ATP8A2: variants seen among roughly 807,000 people sequenced by gnomAD.
ATP8A2 encodes ATPase phospholipid transporting 8A2, also known as phospholipid-transporting ATPase IB.
ATP8A2 carries 100 observed loss-of-function variants against 165.6 expected under a neutral mutation model. The ratio of observed to expected loss-of-function variants is 0.60; its 90% confidence interval spans 0.51 to 0.71. ATP8A2 has a LOEUF of 0.71. Among genes scored for constraint, ATP8A2 ranks in the 30% least tolerant of loss-of-function variants. The pLI, the probability that ATP8A2 is intolerant of heterozygous loss-of-function variation, is 0.00. For synonymous variants in ATP8A2, 543 were observed against 548.8 expected, an observed-to-expected ratio of 0.99 and a Z score of 0.15; for missense variants, 1,227 against 1,479.5, an observed-to-expected ratio of 0.83 and a Z score of 2.80.
At position 25,574,812 on chromosome 13, in the gene ATP8A2, G is replaced by C; in HGVS notation, c.1667G>C (p.Gly556Ala). 1 of 1,561,288 alleles carries C rather than the reference G, an allele frequency of 6.4e-7. No homozygotes were observed. ...TPFSVIIEAM[G>A]QEQTFGILNV... ...AGCCTATTTTTCTTCCTTTAGATGG[G>C]ACAGGAACAAACATTCGGAATCCTT... Residue 556 changes from glycine (G) to alanine (A), a missense_variant, in exon 19 of 37, where the codon GGA becomes GCA. Coordinates refer to ENST00000381655, the MANE Select transcript of ATP8A2 (RefSeq NM_016529.6).
At chr13:25,972,817 G>A (rs1207694548) in intron 35 of ATP8A2, among the ~76,000 whole-genome samples, 3 of 152,062 alleles carry the variant, frequency 2.0e-5, no homozygotes, top group Non-Finnish European at 4.4e-5. Flanking sequence ...CACTTTTACA[G>A]ATACAATATA....
At chr13:25,881,606 A>G (rs969191782) in intron 33 of ATP8A2, among the ~76,000 whole-genome samples, 3 of 152,108 alleles carry the variant, frequency 2.0e-5, no homozygotes, top group African/African-American at 7.2e-5. Flanking sequence ...AGAGAGAGAG[A>G]GAGAGAAAGA....
At chr13:25,617,291 T>C (rs919243081) in intron 24 of ATP8A2, among the ~76,000 whole-genome samples, 1 of 152,262 alleles carries the variant, frequency 6.6e-6, no homozygotes, top group Admixed American at 6.5e-5. Context: ...TTTATCATTT[T>C]CTAAGAGATT....
At chr13:25,591,583 CTTTTTT>C (rs749798935) in intron 24 of ATP8A2, among the ~76,000 whole-genome samples, 2 of 131,838 alleles carry the variant, frequency 1.5e-5, no homozygotes, top group African/African-American at 2.9e-5. Context: ...TAGCTTATAA[CTTTTTT>C]TTTTTTTTTT....
At position 26,012,606 on chromosome 13, in the gene ATP8A2, G is replaced by T. The variant is rs1305817975; in HGVS notation, c.3453G>T (p.Leu1151=). Residue 1151 remains leucine (L), a synonymous_variant, in exon 36 of 37, where the codon CTG becomes CTT. Transcript: ENST00000381655. Reference sequence around the variant, plus strand: ...CGACGCTGTTCCGGGGCAGCTCCCTGCAGCAGGGCGTCCCGCGTGAGTACC... The same window carrying T: ...CGACGCTGTTCCGGGGCAGCTCCCTTCAGCAGGGCGTCCCGCGTGAGTACC... ...TPPTLFRGSS[L]QQGVPHGYAF... is the part of the protein sequence containing the mutation. 8 of 1,499,332 alleles carry T rather than the reference G, an allele frequency of 5.3e-6. No homozygotes were observed. Among genetic ancestry groups the T allele is most frequent in the Non-Finnish European group, 7.1e-6 (8 of 1,124,620 alleles). The allele number at this position is 1,499,332 out of a possible 1,614,324, so 92.9% of individuals were successfully genotyped here.
At position 25,397,636 on chromosome 13, in the gene ATP8A2, CTG is replaced by C. The variant is rs758616626; in HGVS notation, c.76+25350_76+25351del. Among the ~76,000 whole-genome samples, 46 of 152,238 alleles carry C rather than the reference CTG, an allele frequency of 3.0e-4. 1 individual carries two copies. The highest frequency in any genetic ancestry group is 5.7e-4 in the Non-Finnish European group (39 of 68,024). ...CTTTGTTGAGGAAAAAAGCCAGACT[CTG>C]TAAAATATTTGAAAAGGTTTATTCT... On this transcript the variant is annotated intron_variant, in intron 1 of 36. Transcript: ENST00000381655.
At chr13:25,825,575 TAGG>T (rs1418830300) in intron 27 of ATP8A2, among the ~76,000 whole-genome samples, 2 of 152,264 alleles carry the variant, frequency 1.3e-5, no homozygotes, top group Non-Finnish European at 2.9e-5. Context: ...ATTGTTTGAA[TAGG>T]AGAACTCAGA....
rs1375848943 is a variant in ATP8A2, at chr13:26,019,989, A to G, written c.*4A>G. On this transcript the variant is annotated 3_prime_UTR_variant, in exon 37 of 37. Transcript: ENST00000381655. ...AAAGAAATCCAGGAAGAAATAAGACATGAATTTTCCTGACTGATCTTAGGA... is the reference window on the plus strand; with the variant it reads ...AAAGAAATCCAGGAAGAAATAAGACGTGAATTTTCCTGACTGATCTTAGGA... 14 of 1,599,966 alleles carry G rather than the reference A, an allele frequency of 8.8e-6. No homozygotes were observed. The highest frequency in any genetic ancestry group is 1.3e-5 in the African/African-American group (1 of 74,700).
intron 35 of ATP8A2, among the ~76,000 whole-genome samples, chr13:26,007,534 T>TTG (rs1566347527): frequency 6.6e-6 from 1 of 152,254 alleles, no homozygotes; most frequent in East Asian, 1.9e-4. Context: ...TTTCCAGTAG[T>TTG]TGGTTCAGTG....
chr13:25,584,844 C>T (rs560594552), intron 23 of ATP8A2, among the ~76,000 whole-genome samples: 3 of 151,990 alleles, frequency 2.0e-5, no homozygotes, highest in Non-Finnish European at 2.9e-5. Context: ...ATGGGGATGT[C>T]GTATAGTTGT....
At chr13:25,699,411 G>C in intron 25 of ATP8A2, 66 bp downstream of exon 25, 1 of 1,208,540 alleles carries the variant, frequency 8.3e-7, no homozygotes, top group Admixed American at 3.0e-5. Flanking sequence ...TTATACAAAA[G>C]AAAGGGATGC....
chr13:25,832,189 C>T (rs936448887), intron 28 of ATP8A2, among the ~76,000 whole-genome samples: 2 of 152,168 alleles, frequency 1.3e-5, no homozygotes, highest in South Asian at 2.1e-4. Flanking sequence ...CTGCCTGCCT[C>T]GGCCCCCCAG....
intron 27 of ATP8A2, among the ~76,000 whole-genome samples, chr13:25,798,170 T>C (rs991315543): frequency 1.3e-5 from 2 of 152,224 alleles, no homozygotes; most frequent in Admixed American, 6.5e-5. Flanking sequence ...ATGGCCACCA[T>C]GTGTCACATA....
chr13:25,784,242 A>T (rs2044964244), intron 27 of ATP8A2, among the ~76,000 whole-genome samples: 1 of 152,176 alleles, frequency 6.6e-6, no homozygotes, highest in African/African-American at 2.4e-5. Context: ...ATAAAAAAAA[A>T]ATGCAAGTCC....
intron 28 of ATP8A2, among the ~76,000 whole-genome samples, chr13:25,831,184 A>G (rs1168701504): frequency 1.3e-5 from 2 of 150,398 alleles, no homozygotes; most frequent in Non-Finnish European, 2.9e-5. Flanking sequence ...AGTCAGCTAA[A>G]GTAGCAAGTC....
Position 25,372,327 on chromosome 13 carries a change from G to T in ATP8A2, c.76+39G>T. On this transcript the variant is annotated intron_variant, in intron 1 of 36. Coordinates refer to ENST00000381655, the MANE Select transcript of ATP8A2 (RefSeq NM_016529.6). This position sits in a 1 kb window ranked among gnomAD's most constrained non-coding sequence, Gnocchi z 4.8. The stretch of plus-strand genomic sequence containing the variant: ...GGCGCGGCGAGGGAGGGTGGGCCCG[G>T]GGCGGGGGCGGCGCGGGGCGCGCCT... The T allele has an allele frequency of 7.2e-7, 1 of 1,393,306 alleles. No individual in the cohort carries two copies. Among genetic ancestry groups the T allele is most frequent in the South Asian group, 1.4e-5 (1 of 71,240 alleles). 86.3% of individuals were successfully genotyped at this position (1,393,306 alleles called of 1,614,324 possible). A position where few individuals can be genotyped will look rare whatever the true frequency, so the allele number is the denominator to read the frequency against.
chr13:25,828,075 G>C, intron 27 of ATP8A2, 43 bp from the exon 28 acceptor site: 1 of 1,486,714 alleles, frequency 6.7e-7, no homozygotes, highest in Non-Finnish European at 9.4e-7. Context: ...AAACATTTAG[G>C]TCAATATTGA....
At chr13:25,957,288 A>G (rs970065738) in intron 33 of ATP8A2, among the ~76,000 whole-genome samples, 1 of 152,180 alleles carries the variant, frequency 6.6e-6, no homozygotes, top group Non-Finnish European at 1.5e-5. Context: ...ATTAAACTAA[A>G]GAGCATCAGC....
intron 27 of ATP8A2, among the ~76,000 whole-genome samples, chr13:25,788,154 T>C (rs1358119726): frequency 2.0e-5 from 3 of 152,214 alleles, no homozygotes; most frequent in Non-Finnish European, 4.4e-5. Flanking sequence ...CATCTCAGCC[T>C]CATTATCCTT....
Sources: gnomAD v4.1 joint callset for allele counts (sites outside exome capture counted in the v4.1 genomes callset) on GRCh38, gnomAD v4.1.1 for gene constraint, Gnocchi (gnomAD v3.1) non-coding constraint, MANE v1.5 for transcripts, NCBI Gene and HGNC (gene_info 2026-07-23, HGNC 2026-07-21) for gene names.